Variants in VEGFD observed in about 807,000 individuals in gnomAD.
VEGFD encodes vascular endothelial growth factor D, also known as c-fos induced growth factor (vascular endothelial growth factor D).
VEGFD carries 26 observed loss-of-function variants against 28.0 expected under a neutral mutation model. The ratio of observed to expected loss-of-function variants is 0.93; its 90% confidence interval spans 0.68 to 1.29. VEGFD has a LOEUF of 1.29. VEGFD is among the 50% of genes most tolerant of loss of function. VEGFD has a pLI of 0.00. For synonymous variants in VEGFD, 93 were observed against 95.5 expected (o/e 0.97, Z 0.15); for missense variants, 294 against 273.4 (o/e 1.08, Z -0.53).
At chrX:15,374,053 C>G (rs1923376642) in intron 1 of VEGFD, among the ~76,000 whole-genome samples, 1 of 111,686 alleles carries the variant, frequency 9.0e-6, no homozygotes, top group South Asian at 3.7e-4. Context: ...GAAGCTTTGC[C>G]TAATATAGTA....
At chrX:15,368,552 T>A (rs1923235283) in intron 1 of VEGFD, among the ~76,000 whole-genome samples, 1 of 112,538 alleles carries the variant, frequency 8.9e-6, no homozygotes, top group South Asian at 3.6e-4. Flanking sequence ...TCAAGAATGG[T>A]TGTTTGTTCC....
chrX:15,368,035 G>GAAAAGAAGA (rs778478507), intron 1 of VEGFD, among the ~76,000 whole-genome samples: 4 of 37,432 alleles, frequency 1.1e-4, no homozygotes, highest in Non-Finnish European at 1.5e-4. Flanking sequence ...AGAAAGGAAA[G>GAAAAGAAGA]AAGAAAGAAA....
chrX:15,365,286 C>A (rs968053290), intron 1 of VEGFD, among the ~76,000 whole-genome samples: 2 of 111,464 alleles, frequency 1.8e-5, no homozygotes, highest in African/African-American at 6.5e-5. Context: ...GAGCCTGCCA[C>A]CATGCCCGGC....
intron 1 of VEGFD, 59 bp from the exon 2 acceptor site, chrX:15,363,378 A>G: frequency 4.2e-6 from 4 of 959,770 alleles, no homozygotes; most frequent in Non-Finnish European, 5.8e-6. Flanking sequence ...ATTTGTCATA[A>G]TAATCTTCAT....
chrX:15,381,246 C>A (rs769471016), intron 1 of VEGFD, among the ~76,000 whole-genome samples: 1 of 110,959 alleles, frequency 9.0e-6, no homozygotes, highest in East Asian at 2.8e-4. Context: ...GTAGCTATTT[C>A]ATGATTGCTA....
chrX:15,373,508 C>T (rs763195791), intron 1 of VEGFD, among the ~76,000 whole-genome samples: 2 of 112,164 alleles, frequency 1.8e-5, no homozygotes, highest in East Asian at 5.6e-4. Context: ...AATATGCCTT[C>T]AGGAAGCTTG....
chrX:15,368,495 T>C (rs146933772), intron 1 of VEGFD, among the ~76,000 whole-genome samples: 1,153 of 112,410 alleles, frequency 0.01, 7 homozygotes, highest in Non-Finnish European at 0.018. Context: ...TAAACTTAAG[T>C]AGAAACCTGA....
At chrX:15,381,295 C>T (rs889592080) in intron 1 of VEGFD, among the ~76,000 whole-genome samples, 28 of 110,983 alleles carry the variant, frequency 2.5e-4, no homozygotes, top group African/African-American at 8.5e-4. Flanking sequence ...CTAGAACTAT[C>T]GTAGAGGCAA....
At chrX:15,369,610 C>A (rs1923259216) in intron 1 of VEGFD, among the ~76,000 whole-genome samples, 1 of 111,534 alleles carries the variant, frequency 9.0e-6, no homozygotes, top group African/African-American at 3.3e-5. Context: ...CTCTAATAAG[C>A]TAAATTTATT....
intron 1 of VEGFD, among the ~76,000 whole-genome samples, chrX:15,377,077 A>T (rs1225487236): frequency 1.8e-5 from 2 of 112,422 alleles, no homozygotes; most frequent in Non-Finnish European, 3.8e-5. Context: ...TTACATTACT[A>T]AAGTTTCAGG....
In VEGFD at chrX:15,384,181, C is replaced by A; in HGVS notation, c.-235G>T. ...GAGATGAAAAAAATCAAAATGTTCT[C>A]CAAAAATAATCAGAAGGTGGACATG... is the stretch of plus-strand genomic sequence containing the variant. On this transcript the variant is annotated 5_prime_UTR_variant, in exon 1 of 7. Transcript: ENST00000297904. The A allele has an allele frequency of 3.3e-6, 1 of 303,908 alleles. No individual in the cohort carries two copies. Among genetic ancestry groups the A allele is most frequent in the Non-Finnish European group, 5.7e-6 (1 of 174,228 alleles). The allele number at this position is 303,908 out of a possible 1,213,427, so 25.0% of individuals were successfully genotyped here. A position where few individuals can be genotyped will look rare whatever the true frequency, so the allele number is the denominator to read the frequency against.
chrX:15,350,797 T>TTTTCTTTTC (rs1555947748), intron 5 of VEGFD, among the ~76,000 whole-genome samples: 5 of 101,292 alleles, frequency 4.9e-5, no homozygotes, highest in South Asian at 4.7e-4. Context: ...CTTTCTTTTC[T>TTTTCTTTTC]TTTCTTTCTT....
intron 5 of VEGFD, among the ~76,000 whole-genome samples, chrX:15,350,843 T>TCTCTTTC (rs530004999): frequency 1.1e-5 from 1 of 92,889 alleles, no homozygotes; most frequent in Non-Finnish European, 2.1e-5. Context: ...TCTTTTCTTT[T>TCTCTTTC]TCTCTTTCTC....
chrX:15,377,188 C>T (rs1468899646), intron 1 of VEGFD, among the ~76,000 whole-genome samples: 1 of 112,352 alleles, frequency 8.9e-6, no homozygotes, highest in Non-Finnish European at 1.9e-5. Context: ...ATCATTTCCA[C>T]TCATATGCCT....
intron 1 of VEGFD, among the ~76,000 whole-genome samples, chrX:15,381,285 C>G (rs1364572434): frequency 9.0e-6 from 1 of 110,937 alleles, no homozygotes; most frequent in Non-Finnish European, 1.9e-5. Context: ...TCACAGATAC[C>G]TAGAACTATC....
intron 2 of VEGFD, among the ~76,000 whole-genome samples, chrX:15,359,199 T>C (rs1289246143): frequency 9.1e-6 from 1 of 110,021 alleles, no homozygotes; most frequent in Non-Finnish European, 1.9e-5. Context: ...AACTTGCTTC[T>C]TATGAAGAGA....
chrX:15,376,744 AC>A (rs1251586007), intron 1 of VEGFD, among the ~76,000 whole-genome samples: 1 of 111,892 alleles, frequency 8.9e-6, no homozygotes, highest in Non-Finnish European at 1.9e-5. Flanking sequence ...GTGACAATGT[AC>A]TTATAAACGA....
rs35997805 is a variant in VEGFD, at chrX:15,351,027, A to ATTTTTT, written c.742+2035_742+2040dup. 3.8e-3 allele frequency among the ~76,000 whole-genome samples: 56 copies of ATTTTTT among 14,756 alleles called. 11 individuals carry two copies. The highest frequency in any genetic ancestry group is 5.2e-3 in the Non-Finnish European group (38 of 7,316). The allele number at this position is 14,756 out of a possible 115,157, so 12.8% of individuals were successfully genotyped here. The stretch of plus-strand genomic sequence containing the variant: ...CAGGCGCACATCACCATGCCCAGCT[A>ATTTTTT]TTTTTTTTTTTTTTTTTTTTTTTTT... On this transcript the variant is annotated intron_variant, in intron 5 of 6. Transcript: ENST00000297904.
At chrX:15,366,971 T>A (rs761298906) in intron 1 of VEGFD, among the ~76,000 whole-genome samples, 2 of 112,480 alleles carry the variant, frequency 1.8e-5, no homozygotes, top group East Asian at 5.6e-4. Flanking sequence ...TACAAGGTTA[T>A]CGCACTTGGG....
Sources: allele counts gnomAD v4.1 joint callset (sites outside exome capture counted in the v4.1 genomes callset), GRCh38; gene constraint gnomAD v4.1.1; transcripts MANE v1.5; gene names NCBI Gene and HGNC (gene_info 2026-07-23, HGNC 2026-07-21).